The following CAMK2D variants were observed in gnomAD, a reference collection of about 807,000 sequenced individuals.
CAMK2D encodes the protein calcium/calmodulin dependent protein kinase II delta.
CAMK2D carries 37 observed loss-of-function variants against 84.0 expected under a neutral mutation model. The ratio of observed to expected loss-of-function variants is 0.44; its 90% CI spans 0.34 to 0.58. CAMK2D has a LOEUF of 0.58. Ranked by LOEUF, CAMK2D falls within the 20% of genes least tolerant of loss-of-function variation. The pLI is 0.02. For synonymous variants in CAMK2D, 202 were observed against 212.5 expected (o/e 0.95, Z 0.43); for missense variants, 448 against 652.5 (o/e 0.69, Z 3.41).
intron 2 of CAMK2D, among the ~76,000 whole-genome samples, chr4:113,726,127 T>C (rs1410085847): frequency 1.3e-5 from 2 of 152,190 alleles, no homozygotes; most frequent in South Asian, 2.1e-4. Context: ...GCACTTGTCA[T>C]AGATTTCCTG....
rs796560808 is a variant in CAMK2D at position 113,456,937 on chromosome 4, A to AATG, written c.1535+395_1535+397dup. On this transcript the variant is annotated intron_variant, in intron 19 of 20. Coordinates refer to ENST00000511664, the MANE Select transcript of CAMK2D (RefSeq NM_001321571.2). ...CTGAGCTTTAGGGGATCATCTATGA[A>AATG]ATGAAACTCCTGATAATATATTGGC... The AATG allele has an allele frequency of 1.7e-5, 3 of 171,556 alleles. No homozygotes were observed. In the South Asian group the frequency reaches 4.4e-4, roughly 25 times the overall value. The allele number at this position is 171,556 out of a possible 1,614,324, so 10.6% of individuals were successfully genotyped here. A position where few individuals can be genotyped will look rare whatever the true frequency, so the allele number is the denominator to read the frequency against.
At chr4:113,692,705 CATATTCATAT>C (rs2099391455) in intron 2 of CAMK2D, among the ~76,000 whole-genome samples, 1 of 151,720 alleles carries the variant, frequency 6.6e-6, no homozygotes, top group African/African-American at 2.4e-5. Context: ...TATATTCATA[CATATTCATAT>C]ATACATACAT....
In CAMK2D at chr4:113,535,751, G is replaced by A. The variant is rs181024976; in HGVS notation, c.517+1590C>T. The stretch of plus-strand genomic sequence containing the variant: ...GAGCAAAGTCCCATTCATCCTTTAG[G>A]CAACCATAAGTGTTAAGGCAATTAT... On this transcript the variant is annotated intron_variant, in intron 7 of 20. Transcript: ENST00000511664. Among the ~76,000 whole-genome samples, 75 of 152,182 alleles carry A rather than the reference G, an allele frequency of 4.9e-4. No homozygotes were observed. In the Middle Eastern group the frequency reaches 0.01, roughly 21 times the overall value.
chr4:113,648,881 T>G (rs1421260810), intron 3 of CAMK2D, among the ~76,000 whole-genome samples: 1 of 152,202 alleles, frequency 6.6e-6, no homozygotes, highest in Non-Finnish European at 1.5e-5. Context: ...AGTCTTCCTT[T>G]TTTGTCCATG....
chr4:113,738,686 T>C lies in CAMK2D; in HGVS notation c.160+20634A>G, dbSNP rs373714012. On this transcript the variant is annotated intron_variant, in intron 2 of 20. Coordinates refer to ENST00000511664, the MANE Select transcript of CAMK2D (RefSeq NM_001321571.2). ...ACTAAATATATCACTAAAAATATAATGAAATAATATTAGTATATATTCACC... is the reference window on the plus strand; with the variant it reads ...ACTAAATATATCACTAAAAATATAACGAAATAATATTAGTATATATTCACC... 5.9e-5 allele frequency among the ~76,000 whole-genome samples: 9 copies of C among 152,134 alleles called. No individual in the cohort carries two copies. In the East Asian group the frequency reaches 1.4e-3, roughly 23 times the overall value.
chr4:113,655,750 A>C (rs775519382), intron 3 of CAMK2D, among the ~76,000 whole-genome samples: 1 of 152,114 alleles, frequency 6.6e-6, no homozygotes, highest in Non-Finnish European at 1.5e-5. Context: ...CTCTTGGGAC[A>C]ATCAGATAAG....
chr4:113,638,061 C>G (rs373239758), intron 3 of CAMK2D, among the ~76,000 whole-genome samples: 1 of 152,166 alleles, frequency 6.6e-6, no homozygotes, highest in Non-Finnish European at 1.5e-5. Context: ...TTTGTAGCTT[C>G]AGAGCTGGCT....
intron 3 of CAMK2D, among the ~76,000 whole-genome samples, chr4:113,636,368 T>C (rs1353512993): frequency 6.6e-6 from 1 of 152,228 alleles, no homozygotes; most frequent in Non-Finnish European, 1.5e-5. Context: ...AACTGTCTCC[T>C]AGCAGGTCTT....
At chr4:113,700,593 A>G (rs2099414808) in intron 2 of CAMK2D, among the ~76,000 whole-genome samples, 1 of 152,224 alleles carries the variant, frequency 6.6e-6, no homozygotes, top group Non-Finnish European at 1.5e-5. Flanking sequence ...TCAAAACCAG[A>G]GTAGTGTAAG....
chr4:113,547,848 T>G (rs2098594838), intron 5 of CAMK2D, 132 bp from the exon 6 acceptor site: 1 of 491,518 alleles, frequency 2.0e-6, no homozygotes, highest in South Asian at 3.6e-5. Flanking sequence ...TTCAGTCATG[T>G]AAACATATTG....
At chr4:113,726,220 C>T (rs2099545278) in intron 2 of CAMK2D, among the ~76,000 whole-genome samples, 1 of 151,960 alleles carries the variant, frequency 6.6e-6, no homozygotes, top group African/African-American at 2.4e-5. Context: ...TGTTCTGAAC[C>T]CTATTGACTT....
chr4:113,590,412 G>T (rs1285612572), intron 4 of CAMK2D, among the ~76,000 whole-genome samples: 1 of 152,118 alleles, frequency 6.6e-6, no homozygotes, highest in African/African-American at 2.4e-5. Flanking sequence ...CTCCTTTAAA[G>T]AAAATTCTAA....
chr4:113,547,806 C>T lies in CAMK2D; in HGVS notation c.342-90G>A, dbSNP rs1409273752. The T allele has an allele frequency of 6.8e-6, 5 of 733,978 alleles. No homozygotes were observed. In the African/African-American group the frequency reaches 7.1e-5, roughly 10 times the overall value. 45.5% of individuals were successfully genotyped at this position (733,978 alleles called of 1,614,324 possible). A position where few individuals can be genotyped will look rare whatever the true frequency, so the allele number is the denominator to read the frequency against. On this transcript the variant is annotated intron_variant, in intron 5 of 20. Coordinates refer to ENST00000511664, the MANE Select transcript of CAMK2D (RefSeq NM_001321571.2). ...AGAGAGACTGGGTTAAAGTGCAGAG[C>T]TAGCAGACAACTGGGGTTGTATTGT...
intron 16 of CAMK2D, among the ~76,000 whole-genome samples, chr4:113,494,781 C>T (rs909656697): frequency 6.6e-6 from 1 of 152,196 alleles, no homozygotes; most frequent in African/African-American, 2.4e-5. Flanking sequence ...GCTGTGCTAG[C>T]AATCAGGGAG....
chr4:113,553,953 T>C (rs554842257), intron 4 of CAMK2D, among the ~76,000 whole-genome samples: 119 of 152,180 alleles, frequency 7.8e-4, no homozygotes, highest in Non-Finnish European at 1.4e-3. Context: ...ATTATAGATA[T>C]AATATATACT....
intron 2 of CAMK2D, among the ~76,000 whole-genome samples, chr4:113,689,094 A>C (rs1449997645): frequency 1.3e-5 from 2 of 151,884 alleles, no homozygotes; most frequent in Non-Finnish European, 2.9e-5. Flanking sequence ...AAAATACAAA[A>C]AACTAGCCGG....
At chr4:113,465,039 C>T (rs1173437443) in intron 17 of CAMK2D, among the ~76,000 whole-genome samples, 3 of 151,916 alleles carry the variant, frequency 2.0e-5, no homozygotes, top group Non-Finnish European at 4.4e-5. Flanking sequence ...AATCTTTTTT[C>T]TTTTCTTTTT....
intron 2 of CAMK2D, among the ~76,000 whole-genome samples, chr4:113,701,840 G>C (rs998912451): frequency 6.6e-6 from 1 of 152,054 alleles, no homozygotes; most frequent in Non-Finnish European, 1.5e-5. Flanking sequence ...CTCTAGAGTA[G>C]CTGGGACCAC....
chr4:113,469,993 T>C (rs1385456954), intron 16 of CAMK2D, among the ~76,000 whole-genome samples: 1 of 152,190 alleles, frequency 6.6e-6, no homozygotes, highest in Non-Finnish European at 1.5e-5. Context: ...TTCTGTTCTC[T>C]ACAATGCAAC....
Sources: allele counts gnomAD v4.1 joint callset (sites outside exome capture counted in the v4.1 genomes callset), GRCh38; gene constraint gnomAD v4.1.1; transcripts MANE v1.5; gene names NCBI Gene and HGNC (gene_info 2026-07-23, HGNC 2026-07-21).